The following MRPS28 variants were observed in gnomAD, a reference collection of about 807,000 sequenced individuals.
MRPS28 encodes small ribosomal subunit protein bS1m.
In MRPS28, 7 loss-of-function variants were observed where a neutral mutation model predicts 10.8. The ratio of observed to expected loss-of-function variants is 0.65; its 90% CI spans 0.37 to 1.22. The LOEUF is 1.22. Ranked by LOEUF, MRPS28 falls within the 50% of genes most tolerant of loss-of-function variation. The pLI is 0.02. For missense variants in MRPS28, 265 were observed against 232.9 expected, an observed-to-expected ratio of 1.14 and a Z score of -0.90; for synonymous variants, 121 against 93.3, an observed-to-expected ratio of 1.30 and a Z score of -1.71.
At chr8:80,007,216 C>A (rs1186505383) in intron 1 of MRPS28, among the ~76,000 whole-genome samples, 15 of 152,128 alleles carry the variant, frequency 9.9e-5, no homozygotes, top group Middle Eastern at 3.2e-3. Context: ...TGACAAAATT[C>A]AACAACCCTT....
At chr8:80,018,065 G>T (rs192407900) in intron 1 of MRPS28, among the ~76,000 whole-genome samples, 3 of 151,974 alleles carry the variant, frequency 2.0e-5, no homozygotes, top group Admixed American at 1.3e-4. Flanking sequence ...CGAGGCGGGC[G>T]GATCACAAGG....
chr8:79,939,698 C>T (rs546192483), intron 2 of MRPS28, among the ~76,000 whole-genome samples: 4 of 152,156 alleles, frequency 2.6e-5, no homozygotes, highest in South Asian at 2.1e-4. Flanking sequence ...TGGCCGGGCA[C>T]GGTGGCTCAC....
At chr8:80,022,777 G>C (rs922184267) in intron 1 of MRPS28, among the ~76,000 whole-genome samples, 2 of 152,172 alleles carry the variant, frequency 1.3e-5, no homozygotes, top group Non-Finnish European at 2.9e-5. Context: ...GATTAAAAGA[G>C]AAAAATTTAA....
At chr8:79,920,474 A>T (rs1191052141) in intron 2 of MRPS28, among the ~76,000 whole-genome samples, 1 of 152,166 alleles carries the variant, frequency 6.6e-6, no homozygotes, top group African/African-American at 2.4e-5. Flanking sequence ...CTTTTTAATG[A>T]TCACCATTCT....
chr8:79,976,639 A>T lies in MRPS28; in HGVS notation c.395+26360T>A, dbSNP rs188303578. Among the ~76,000 whole-genome samples the T allele has an allele frequency of 2.0e-5, 3 of 152,192 alleles. 1 individual carries two copies. The highest frequency in any genetic ancestry group is 1.3e-4 in the Admixed American group (2 of 15,286). ...GAGGATTGCTTCAACCAGGGAGGTG[A>T]TGGTTGCAATGAGCTGAGATCGCGC... is the stretch of plus-strand genomic sequence containing the variant. On this transcript the variant is annotated intron_variant, in intron 2 of 2. Coordinates refer to ENST00000276585, the MANE Select transcript of MRPS28 (RefSeq NM_014018.3).
At chr8:80,019,951 C>T (rs980018408) in intron 1 of MRPS28, among the ~76,000 whole-genome samples, 3 of 152,078 alleles carry the variant, frequency 2.0e-5, no homozygotes, top group Admixed American at 6.5e-5. Flanking sequence ...GAGACACGTG[C>T]CCAAGGAAGT....
At chr8:79,995,691 C>T (rs551708531) in intron 2 of MRPS28, among the ~76,000 whole-genome samples, 14 of 152,352 alleles carry the variant, frequency 9.2e-5, no homozygotes, top group African/African-American at 3.4e-4. Flanking sequence ...AGTAGCTACA[C>T]AGCCCAGTGA....
intron 2 of MRPS28, among the ~76,000 whole-genome samples, chr8:79,996,428 T>C (rs565069987): frequency 6.6e-6 from 1 of 152,350 alleles, no homozygotes; most frequent in East Asian, 1.9e-4. Context: ...GGGTATCTTA[T>C]AAACAGCAGA....
intron 2 of MRPS28, chr8:79,956,345 G>C (rs1165185605): frequency 6.6e-6 from 1 of 151,984 alleles, no homozygotes; most frequent in Non-Finnish European, 1.5e-5. Flanking sequence ...ACTTTGAATA[G>C]ATTTTATTTC....
At chr8:80,016,482 A>G (rs1360682757) in intron 1 of MRPS28, among the ~76,000 whole-genome samples, 1 of 152,118 alleles carries the variant, frequency 6.6e-6, no homozygotes, top group Admixed American at 6.5e-5. Flanking sequence ...AAGGAGAATT[A>G]AAGACTTTCT....
intron 1 of MRPS28, among the ~76,000 whole-genome samples, chr8:80,018,029 C>T (rs1809243152): frequency 1.3e-5 from 2 of 152,102 alleles, no homozygotes; most frequent in African/African-American, 4.8e-5. Context: ...TAATCTCACG[C>T]CTATAATCCC....
chr8:79,991,169 T>C (rs1808353512), intron 2 of MRPS28, among the ~76,000 whole-genome samples: 1 of 152,192 alleles, frequency 6.6e-6, no homozygotes, highest in Admixed American at 6.5e-5. Context: ...GAGTCTATTC[T>C]GACTCTTGGC....
intron 2 of MRPS28, among the ~76,000 whole-genome samples, chr8:79,999,105 T>C (rs1359399950): frequency 6.6e-6 from 1 of 152,144 alleles, no homozygotes; most frequent in Non-Finnish European, 1.5e-5. Flanking sequence ...ATTATGTAAA[T>C]ATTTCTCTTA....
chr8:79,921,692 T>C lies in MRPS28; in HGVS notation c.396-2544A>G, dbSNP rs933656962. On this transcript the variant is annotated intron_variant, in intron 2 of 2. Coordinates refer to ENST00000276585, the MANE Select transcript of MRPS28 (RefSeq NM_014018.3). The stretch of plus-strand genomic sequence containing the variant: ...TTAAGGAGATTTTGGGCTGAGACAA[T>C]GGGGTTTTCTAGATATACAATCATG... Among the ~76,000 whole-genome samples, 18 of 152,224 alleles carry C rather than the reference T, an allele frequency of 1.2e-4. No homozygotes were observed. In the South Asian group the frequency reaches 1.7e-3, roughly 14 times the overall value.
At chr8:79,993,727 G>A (rs1160692155) in intron 2 of MRPS28, among the ~76,000 whole-genome samples, 1 of 152,130 alleles carries the variant, frequency 6.6e-6, no homozygotes, top group Non-Finnish European at 1.5e-5. Context: ...AAACATGCAT[G>A]CTTTTTTAAT....
At chr8:79,955,564 G>A (rs555252560) in intron 2 of MRPS28, among the ~76,000 whole-genome samples, 7 of 151,946 alleles carry the variant, frequency 4.6e-5, no homozygotes, top group East Asian at 1.9e-4. Context: ...TTAGGCCTCC[G>A]CTAACAGTCT....
intron 1 of MRPS28, among the ~76,000 whole-genome samples, chr8:80,004,425 C>T (rs1163990253): frequency 3.3e-5 from 5 of 152,214 alleles, no homozygotes; most frequent in Non-Finnish European, 5.9e-5. Context: ...AGCTGAGGGT[C>T]CTGACTGTTA....
At chr8:79,964,187 A>G (rs756087984) in intron 2 of MRPS28, among the ~76,000 whole-genome samples, 1 of 152,066 alleles carries the variant, frequency 6.6e-6, no homozygotes, top group Non-Finnish European at 1.5e-5. Context: ...AGGTGAGGCA[A>G]TATCCAGGTC....
At chr8:79,973,604 C>T (rs182673333) in intron 2 of MRPS28, among the ~76,000 whole-genome samples, 1 of 152,286 alleles carries the variant, frequency 6.6e-6, no homozygotes, top group East Asian at 1.9e-4. Flanking sequence ...AGGCCTGCAA[C>T]ACCACGCCCA....
Sources: gnomAD v4.1 joint callset for allele counts (sites outside exome capture counted in the v4.1 genomes callset) on GRCh38, gnomAD v4.1.1 for gene constraint, MANE v1.5 for transcripts, NCBI Gene and HGNC (gene_info 2026-07-23, HGNC 2026-07-21) for gene names.